DST: variants seen among roughly 807,000 people sequenced by gnomAD.
DST encodes the protein bullous pemphigoid antigen.
DST carries 253 observed loss-of-function variants against 875.2 expected under a neutral mutation model. The ratio of observed to expected loss-of-function variants is 0.29; its 90% CI spans 0.26 to 0.32. DST has a LOEUF of 0.32. Ranked by LOEUF, DST falls within the 10% of genes least tolerant of loss-of-function variation. DST has a pLI of 1.00. For synonymous variants in DST, 3,124 were observed against 3,197.1 expected, an observed-to-expected ratio of 0.98 and a Z score of 0.77; for missense variants, 8,287 against 9,111.6, an observed-to-expected ratio of 0.91 and a Z score of 3.68.
In DST at chr6:56,509,821, C is replaced by T. The variant is rs780067010; in HGVS notation, c.18833G>A (p.Arg6278His). The T allele has an allele frequency of 7.4e-6, 12 of 1,613,600 alleles. No individual in the cohort carries two copies. Among genetic ancestry groups the T allele is most frequent in the East Asian group, 6.7e-5 (3 of 44,868 alleles). Residue 6278 changes from arginine to histidine, a missense_variant, in exon 74 of 104, where the codon CGT (arginine) becomes CAT (histidine). Around this residue, in one of 10 missense-constraint regions of DST, gnomAD observed 1,292 missense variants for 1,552.7 expected, o/e 0.83. Coordinates refer to ENST00000680361, the MANE Select transcript of DST (RefSeq NM_001374736.1). ...AGAGATAGAGGGTGGCTGCCTCAGACGTTCCACGATGCGTTCCAGGCTCTC... is the reference window on the plus strand; with the variant it reads ...AGAGATAGAGGGTGGCTGCCTCAGATGTTCCACGATGCGTTCCAGGCTCTC... The part of the protein sequence containing the change: ...ILESLERIVE[R>H]LRQPPSISAE...
Position 56,624,529 on chromosome 6 carries a change from C to A in DST, c.4929+1G>T. ...ACAGGGTGCTCACTGTTAATGATTA[C>A]CTCCTCCTCTTCCAGCCTCTTCAAT... On this transcript the variant is annotated splice_donor_variant, in intron 36 of 103. Transcript: ENST00000680361. LOFTEE classifies it high-confidence loss of function. 1 of 1,600,388 alleles carries A rather than the reference C, an allele frequency of 6.2e-7. No individual in the cohort carries two copies. The highest frequency in any genetic ancestry group is 8.6e-7 in the Non-Finnish European group (1 of 1,168,248).
intron 4 of DST, among the ~76,000 whole-genome samples, chr6:56,776,113 T>G (rs1368378794): frequency 6.6e-6 from 1 of 152,232 alleles, no homozygotes; most frequent in South Asian, 2.1e-4. Flanking sequence ...TGTGAATTGA[T>G]ATGTTAATAA....
In DST at chr6:56,616,746, C is replaced by A. The variant is rs1335126164; in HGVS notation, c.4930-2262G>T. The stretch of plus-strand genomic sequence containing the variant: ...ATCTGGGCTTCCAAGATATGTTTAC[C>A]TTTTTGTCTGTCAAGCATTCTATTT... On this transcript the variant is annotated intron_variant, in intron 36 of 103. Transcript: ENST00000680361. 2.5e-6 allele frequency: 4 copies of A among 1,614,044 alleles called. No homozygotes were observed. Among genetic ancestry groups the A allele is most frequent in the Non-Finnish European group, 2.5e-6 (3 of 1,180,028 alleles).
At chr6:56,682,154 C>T (rs1419587953) in intron 9 of DST, among the ~76,000 whole-genome samples, 1 of 152,074 alleles carries the variant, frequency 6.6e-6, no homozygotes, top group Non-Finnish European at 1.5e-5. Context: ...ATCAGAAAGT[C>T]GTCACTTTTA....
chr6:56,635,359 A>G (rs1177322982), intron 24 of DST, among the ~76,000 whole-genome samples: 1 of 150,228 alleles, frequency 6.7e-6, no homozygotes, highest in Non-Finnish European at 1.5e-5. Flanking sequence ...ACACGTGCAC[A>G]CACACACACA....
At chr6:56,815,734 A>G (rs375794809) in intron 4 of DST, among the ~76,000 whole-genome samples, 10 of 152,210 alleles carry the variant, frequency 6.6e-5, no homozygotes, top group Admixed American at 3.3e-4. Context: ...AGTAGATTAT[A>G]AAATATTGTA....
intron 3 of DST, among the ~76,000 whole-genome samples, chr6:56,853,093 A>C (rs1282656470): frequency 6.6e-6 from 1 of 152,146 alleles, no homozygotes; most frequent in Non-Finnish European, 1.5e-5. Flanking sequence ...AGTTCACGTA[A>C]TATTTCCCAC....
At chr6:56,479,959 A>C (rs1706132566) in intron 90 of DST, among the ~76,000 whole-genome samples, 1 of 152,188 alleles carries the variant, frequency 6.6e-6, no homozygotes, top group African/African-American at 2.4e-5. Flanking sequence ...TTTTATTCTA[A>C]TTTAAGTGGC....
At chr6:56,903,713 T>C (rs1795129164) in intron 2 of DST, among the ~76,000 whole-genome samples, 1 of 152,088 alleles carries the variant, frequency 6.6e-6, no homozygotes, top group South Asian at 2.1e-4. Context: ...CCAGCTCAGC[T>C]TCCCAAAGTG....
rs555001199 is a variant in DST, at chr6:56,687,109, C to G, written c.1047+12544G>C. 3.5e-3 allele frequency among the ~76,000 whole-genome samples: 538 copies of G among 152,278 alleles called. 1 individual carries two copies. Among genetic ancestry groups the G allele is most frequent in the Non-Finnish European group, 5.8e-3 (392 of 68,022 alleles). ...AGCAGAAACTGACTTGTGGGACACA[C>G]AGTGGATGTAGAAATGATAGTCAAA... On this transcript the variant is annotated intron_variant, in intron 9 of 103. Transcript: ENST00000680361.
At chr6:56,616,471 A>T (rs2230866) in intron 36 of DST, 2 of 1,614,142 alleles carry the variant, frequency 1.2e-6, no homozygotes, top group East Asian at 4.5e-5. Context: ...TTTTCTTGAC[A>T]TTGAGATTGG....
intron 31 of DST, 40 bp downstream of exon 31, chr6:56,630,205 G>A (rs767762305): frequency 7.0e-7 from 1 of 1,427,854 alleles, no homozygotes; most frequent in African/African-American, 1.4e-5. Context: ...AATACTTGTA[G>A]AATACGATAT....
chr6:56,784,806 T>C (rs2099701711), intron 4 of DST, among the ~76,000 whole-genome samples: 1 of 152,194 alleles, frequency 6.6e-6, no homozygotes, highest in South Asian at 2.1e-4. Context: ...GCGCTCTGCT[T>C]TTTAGAGTTT....
intron 78 of DST, among the ~76,000 whole-genome samples, chr6:56,503,345 T>C (rs1021980184): frequency 9.2e-5 from 14 of 152,164 alleles, no homozygotes; most frequent in Admixed American, 2.6e-4. Flanking sequence ...CCATTTTCCC[T>C]GATGTAGTTA....
chr6:56,604,333 T>C lies in DST; in HGVS notation c.10295A>G (p.Asp3432Gly). Residue 3432 changes from aspartate to glycine, a missense_variant, in exon 40 of 104, where the codon GAT (aspartate) becomes GGT (glycine). Around this residue, in one of 10 missense-constraint regions of DST, gnomAD observed 3,138 missense variants for 3,116.6 expected, o/e 1.01. Transcript: ENST00000680361. ...AAGATTTCCAATACAGAAAGGATCA[T>C]CTCTACTTTCTGGCTTTAGTTCTGA... ...NSSELKPESR[D>G]DPFCIGNLKS... The C allele has an allele frequency of 1.9e-6, 3 of 1,612,442 alleles. No homozygotes were observed. The highest frequency in any genetic ancestry group is 1.7e-6 in the Non-Finnish European group (2 of 1,179,062).
rs547523428 is a variant in DST at position 56,470,103 on chromosome 6, T to C, written c.22476+25A>G. 1.8e-5 allele frequency: 29 copies of C among 1,610,710 alleles called. No individual in the cohort carries two copies. The South Asian group carries it at 3.0e-4, about 17-fold the overall frequency. ...GTGGCAGAACATACTATCAGTGTTGTACGCAATGGGAAGATAATGAGTACC... is the reference window on the plus strand; with the variant it reads ...GTGGCAGAACATACTATCAGTGTTGCACGCAATGGGAAGATAATGAGTACC... On this transcript the variant is annotated intron_variant, in intron 96 of 103. Coordinates refer to ENST00000680361, the MANE Select transcript of DST (RefSeq NM_001374736.1).
intron 61 of DST, among the ~76,000 whole-genome samples, chr6:56,542,228 T>G (rs1365702760): frequency 6.6e-6 from 1 of 151,384 alleles, no homozygotes; most frequent in African/African-American, 2.4e-5. Flanking sequence ...TCTTTTACTT[T>G]TTTTTTTTGG....
chr6:56,789,737 A>G (rs1055141900), intron 4 of DST, among the ~76,000 whole-genome samples: 40 of 152,296 alleles, frequency 2.6e-4, no homozygotes, highest in African/African-American at 8.4e-4. Flanking sequence ...TTCACTTAGC[A>G]TTATGTCCTC....
intron 63 of DST, among the ~76,000 whole-genome samples, chr6:56,533,191 C>A (rs2096927633): frequency 6.6e-6 from 1 of 152,192 alleles, no homozygotes; most frequent in Non-Finnish European, 1.5e-5. Flanking sequence ...GCACCAGAAA[C>A]AAAATTCAAT....
Sources: gnomAD v4.1 joint callset for allele counts (sites outside exome capture counted in the v4.1 genomes callset) on GRCh38, gnomAD v4.1.1 for gene constraint, gnomAD v4.1.1 regional missense constraint, MANE v1.5 for transcripts, NCBI Gene and HGNC (gene_info 2026-07-23, HGNC 2026-07-21) for gene names.